PCDHA10: variants seen among roughly 807,000 people sequenced by gnomAD.
PCDHA10 encodes the protein protocadherin alpha-10.
PCDHA10 carries 45 observed loss-of-function variants against 61.2 expected under a neutral mutation model. The observed-to-expected ratio is 0.74, with a 90% CI of 0.58 to 0.94. The LOEUF is 0.94. PCDHA10 is among the 40% of genes least tolerant of loss of function. PCDHA10 has a pLI of 0.00. For synonymous variants in PCDHA10, 602 were observed against 548.8 expected (o/e 1.10, Z -1.35); for missense variants, 1,278 against 1,236.2 (o/e 1.03, Z -0.51).
chr5:140,928,291 G>A (rs62384489), intron 1 of PCDHA10: 1 of 1,614,142 alleles, frequency 6.2e-7, no homozygotes, highest in Non-Finnish European at 8.5e-7. Context: ...TCTAGGCCGA[G>A]TGTTTGCCCA....
intron 1 of PCDHA10, chr5:140,876,679 A>T (rs782671923): frequency 2.5e-6 from 4 of 1,614,118 alleles, no homozygotes; most frequent in Non-Finnish European, 3.4e-6. Flanking sequence ...CACCTACAAG[A>T]ATTACTACTC....
chr5:140,928,068 CA>C, intron 1 of PCDHA10: 1 of 1,614,214 alleles, frequency 6.2e-7, no homozygotes, highest in South Asian at 1.1e-5. Context: ...CTTCCTTTGA[CA>C]ACTACTACAG....
At position 140,980,488 on chromosome 5, in the gene PCDHA10, G is replaced by A. The variant is rs372283383; in HGVS notation, c.2447+1481G>A. Among the ~76,000 whole-genome samples, 12 of 152,250 alleles carry A rather than the reference G, an allele frequency of 7.9e-5. No individual in the cohort carries two copies. The East Asian group carries it at 1.9e-3, about 25-fold the overall frequency. Reference sequence around the variant, plus strand: ...CTACTAAAAATACAAAAATTAGCTGGGCGTGATGGCATGTGCCTGTAGTTC... The same window carrying A: ...CTACTAAAAATACAAAAATTAGCTGAGCGTGATGGCATGTGCCTGTAGTTC... On this transcript the variant is annotated intron_variant, in intron 2 of 3. Transcript: ENST00000307360.
rs1554150037 is a variant in PCDHA10 at position 140,857,441 on chromosome 5, G to A, written c.1393G>A (p.Glu465Lys). The A allele has an allele frequency of 1.9e-6, 3 of 1,598,446 alleles. No homozygotes were observed. Among genetic ancestry groups the A allele is most frequent in the African/African-American group, 1.3e-5 (1 of 74,412 alleles). ...AQSEYTVFVKENNPPGCHIFT... is the reference protein window; with the variant it reads ...AQSEYTVFVKKNNPPGCHIFT... ...GTCCGAGTACACGGTGTTCGTGAAGGAGAACAACCCGCCAGGCTGCCACAT... is the reference window on the plus strand; with the variant it reads ...GTCCGAGTACACGGTGTTCGTGAAGAAGAACAACCCGCCAGGCTGCCACAT... Residue 465 changes from glutamate (E) to lysine (K), a missense_variant, in exon 1 of 4, where the codon GAG becomes AAG. Physicochemically the swap from Glu to Lys is moderately conservative, Grantham distance 56 (BLOSUM62 1). Coordinates refer to ENST00000307360, the MANE Select transcript of PCDHA10 (RefSeq NM_018901.4).
At chr5:140,941,219 C>CTT (rs1308794823) in intron 1 of PCDHA10, among the ~76,000 whole-genome samples, 11 of 125,974 alleles carry the variant, frequency 8.7e-5, no homozygotes, top group African/African-American at 3.2e-4. Flanking sequence ...TTCTTCCTTT[C>CTT]TTTCTTTCTT....
At chr5:140,882,252 G>C (rs782433822) in intron 1 of PCDHA10, 1 of 1,597,600 alleles carries the variant, frequency 6.3e-7, no homozygotes, top group Non-Finnish European at 8.5e-7. Context: ...ATAGCTCTGA[G>C]GTTTTTGGAG....
intron 1 of PCDHA10, among the ~76,000 whole-genome samples, chr5:140,899,116 T>C (rs563698448): frequency 6.6e-6 from 1 of 152,246 alleles, no homozygotes; most frequent in South Asian, 2.1e-4. Flanking sequence ...TTTCTAGATA[T>C]ACAATCATGT....
At chr5:140,872,400 G>A (rs1582078480) in intron 1 of PCDHA10, among the ~76,000 whole-genome samples, 1 of 152,124 alleles carries the variant, frequency 6.6e-6, no homozygotes, top group Admixed American at 6.5e-5. Context: ...GCTGAGGCAG[G>A]AGAATTGCTT....
chr5:140,942,255 A>G (rs2093254394), intron 1 of PCDHA10, among the ~76,000 whole-genome samples: 1 of 152,194 alleles, frequency 6.6e-6, no homozygotes, highest in Non-Finnish European at 1.5e-5. Context: ...TCATTAAAAG[A>G]TATCTAAAGC....
At chr5:140,958,400 A>G (rs1236102640) in intron 1 of PCDHA10, among the ~76,000 whole-genome samples, 1 of 152,196 alleles carries the variant, frequency 6.6e-6, no homozygotes, top group African/African-American at 2.4e-5. Context: ...ATCAAACATT[A>G]TCACTGATGC....
intron 1 of PCDHA10, among the ~76,000 whole-genome samples, chr5:140,918,162 A>G (rs1344100803): frequency 1.3e-5 from 2 of 152,122 alleles, no homozygotes; most frequent in Non-Finnish European, 2.9e-5. Context: ...TCTATTGTAA[A>G]TGGCATTGTG....
chr5:140,878,517 G>T (rs2153361711), intron 1 of PCDHA10, among the ~76,000 whole-genome samples: 1 of 152,246 alleles, frequency 6.6e-6, no homozygotes, highest in African/African-American at 2.4e-5. Context: ...AGTACAGTTG[G>T]TAACCAACTG....
At chr5:140,914,923 T>C (rs2076880546) in intron 1 of PCDHA10, among the ~76,000 whole-genome samples, 1 of 151,134 alleles carries the variant, frequency 6.6e-6, no homozygotes, top group Admixed American at 6.6e-5. Context: ...TGTCTTATTG[T>C]ACTATGTTGT....
chr5:140,942,619 TA>T (rs35075175), intron 1 of PCDHA10, among the ~76,000 whole-genome samples: 84,954 of 148,808 alleles, frequency 0.57, 24,471 homozygotes, highest in African/African-American at 0.7. Context: ...TTGCCAATTG[TA>T]AAAAAAAAAA....
chr5:141,010,226 C>G lies in PCDHA10; in HGVS notation c.*289C>G, dbSNP rs1386050566. The G allele has an allele frequency of 1.3e-6, 2 of 1,551,706 alleles. No individual in the cohort carries two copies. Among genetic ancestry groups the G allele is most frequent in the Non-Finnish European group, 1.7e-6 (2 of 1,147,032 alleles). ...CGCCGCAAAGGAGAGGCTTCCCAGC[C>G]CCGCCAGTGAGAGGTTGGACTCTCT... On this transcript the variant is annotated 3_prime_UTR_variant, in exon 4 of 4. Coordinates refer to ENST00000307360, the MANE Select transcript of PCDHA10 (RefSeq NM_018901.4).
intron 1 of PCDHA10, chr5:140,871,045 G>C: frequency 6.2e-7 from 1 of 1,613,386 alleles, no homozygotes; most frequent in African/African-American, 1.3e-5. Context: ...CCGACTTCTA[G>C]TACTGGTGAA....
rs1554158025 is a variant in PCDHA10, at chr5:140,863,249, T to G, written c.2388+4813T>G. On this transcript the variant is annotated intron_variant, in intron 1 of 3. Transcript: ENST00000307360. ...GTCCCATCGCGGGCTTTGGCGGGCGTCGAGGTCCGGGAGGCAGCGCTGGTG... is the reference window on the plus strand; with the variant it reads ...GTCCCATCGCGGGCTTTGGCGGGCGGCGAGGTCCGGGAGGCAGCGCTGGTG... The G allele has an allele frequency of 2.8e-6, 4 of 1,406,824 alleles. No homozygotes were observed. In the Admixed American group the frequency reaches 7.2e-5, roughly 25 times the overall value. The allele number at this position is 1,406,824 out of a possible 1,614,324, so 87.1% of individuals were successfully genotyped here.
At chr5:140,871,636 T>C in intron 1 of PCDHA10, 1 of 1,364,788 alleles carries the variant, frequency 7.3e-7, no homozygotes, top group Non-Finnish European at 9.8e-7. Flanking sequence ...TGTCTGTTCA[T>C]AAAATACCAA....
chr5:140,946,611 AATATATATAT>A (rs1554217734), intron 1 of PCDHA10, among the ~76,000 whole-genome samples: 3 of 86,806 alleles, frequency 3.5e-5, no homozygotes, highest in African/African-American at 1.3e-4. Flanking sequence ...GAAAATGTGA[AATATATATAT>A]ATATATATAT....
Sources: allele counts gnomAD v4.1 joint callset (sites outside exome capture counted in the v4.1 genomes callset), GRCh38; gene constraint gnomAD v4.1.1; transcripts MANE v1.5; gene names NCBI Gene and HGNC (gene_info 2026-07-23, HGNC 2026-07-21).